The following ASIC5 variants were observed in gnomAD, a reference collection of about 807,000 sequenced individuals.
The protein encoded by ASIC5 is acid sensing ion channel subunit family member 5, also known as bile acid-sensitive ion channel.
Under a neutral mutation model 51.2 loss-of-function variants are expected in ASIC5, and 52 were observed. That is an observed-to-expected ratio of 1.02 (90% CI 0.81 to 1.28). ASIC5 has a LOEUF of 1.28. Ranked by LOEUF, ASIC5 falls within the 50% of genes most tolerant of loss-of-function variation. The probability of loss-of-function intolerance (pLI) is 0.00; values close to 1 mark genes in which losing one functional copy is unlikely to be tolerated. For missense variants in ASIC5, 635 were observed against 595.0 expected, an observed-to-expected ratio of 1.07 and a Z score of -0.70; for synonymous variants, 231 against 200.7, an observed-to-expected ratio of 1.15 and a Z score of -1.28.
chr4:155,829,959 T>A lies in ASIC5; in HGVS notation c.1415A>T (p.Tyr472Phe). 1 of 1,605,048 alleles carries A rather than the reference T, an allele frequency of 6.2e-7. No homozygotes were observed. The highest frequency in any genetic ancestry group is 8.5e-7 in the Non-Finnish European group (1 of 1,175,740). The change falls in exon 10 of 10, where the codon TAC (tyrosine) becomes TTC (phenylalanine). Residue 472 changes from tyrosine to phenylalanine, a missense_variant. Transcript: ENST00000537611. ...CAGCAAAAAGAAAATGCATATCCAG[T>A]AGAAATTGGTGAATAGATATTCAAT... is the stretch of plus-strand genomic sequence containing the variant. ...EIIEYLFTNF[Y>F]WICIFFLLKI...
At chr4:155,840,204 G>T (rs759795949) in intron 6 of ASIC5, among the ~76,000 whole-genome samples, 2 of 151,790 alleles carry the variant, frequency 1.3e-5, no homozygotes, top group African/African-American at 2.4e-5. Flanking sequence ...ACATTATTCT[G>T]CATGAAACAA....
At chr4:155,831,012 C>CT (rs1366657241) in intron 9 of ASIC5, among the ~76,000 whole-genome samples, 3 of 152,180 alleles carry the variant, frequency 2.0e-5, no homozygotes, top group Non-Finnish European at 2.9e-5. Context: ...TTGCCTGAGT[C>CT]TAAGGCCTTC....
rs924060033 is a variant in ASIC5 at position 155,838,738 on chromosome 4, T to C, written c.1066+75A>G. ...TGTTTAATTTCTGGGCTATCCATAG[T>C]TTGACTTAATGTCTTATATTACTTT... On this transcript the variant is annotated intron_variant, in intron 7 of 9. Transcript: ENST00000537611. The C allele has an allele frequency of 9.8e-5, 85 of 869,710 alleles. 1 individual carries two copies. The Middle Eastern group carries it at 1.6e-3, about 17-fold the overall frequency. 53.9% of individuals were successfully genotyped at this position (869,710 alleles called of 1,614,324 possible).
intron 6 of ASIC5, among the ~76,000 whole-genome samples, chr4:155,841,870 T>C (rs996354887): frequency 3.9e-5 from 6 of 152,152 alleles, no homozygotes; most frequent in Admixed American, 3.9e-4. Context: ...TGGATAATTT[T>C]CCAGTGTAGA....
At chr4:155,862,248 T>A (rs1240605526) in intron 2 of ASIC5, among the ~76,000 whole-genome samples, 1 of 152,092 alleles carries the variant, frequency 6.6e-6, no homozygotes, top group Non-Finnish European at 1.5e-5. Context: ...TTAGGACCCT[T>A]GATACATATC....
At chr4:155,852,618 A>T (rs912109964) in intron 3 of ASIC5, among the ~76,000 whole-genome samples, 2 of 151,986 alleles carry the variant, frequency 1.3e-5, no homozygotes, top group Non-Finnish European at 2.9e-5. Context: ...ACATGTTTTT[A>T]TCTGTGGAGC....
At position 155,842,313 on chromosome 4, in the gene ASIC5, G is replaced by T. The variant is rs1741137092; in HGVS notation, c.903C>A (p.Asn301Lys). 6.2e-7 allele frequency: 1 copy of T among 1,613,296 alleles called. No homozygotes were observed. The highest frequency in any genetic ancestry group is 8.5e-7 in the Non-Finnish European group (1 of 1,179,596). ...QEYPWGECNP[N>K]IKLQNFSSYS... ...AGCTGCTAAAATTCTGCAGCTTGAT[G>T]TTAGGATTGCATTCTCCCCAAGGGT... Residue 301 changes from asparagine (N) to lysine (K), a missense_variant, in exon 6 of 10, where the codon AAC becomes AAA. Transcript: ENST00000537611.
intron 7 of ASIC5, among the ~76,000 whole-genome samples, chr4:155,837,708 T>C (rs1004253578): frequency 2.0e-5 from 3 of 152,036 alleles, no homozygotes; most frequent in Admixed American, 6.6e-5. Context: ...TTCTTTAGCA[T>C]TGCTGGCAAA....
At position 155,843,772 on chromosome 4, in the gene ASIC5, A is replaced by C. The variant is rs1560744568; in HGVS notation, c.770T>G (p.Ile257Ser). Residue 257 changes from isoleucine (I) to serine (S), a missense_variant, in exon 5 of 10, where the codon ATC (isoleucine) becomes AGC (serine). Coordinates refer to ENST00000537611, the MANE Select transcript of ASIC5 (RefSeq NM_017419.3). ...GFVDAGIIFV[I>S]HSPKKVPQFD... is the part of the protein sequence containing the mutation. Reference sequence around the variant, plus strand: ...CTGTGGCACCTTCTTTGGTGAATGGATAACAAAGATGATCCCAGCATCAAC... The same window carrying C: ...CTGTGGCACCTTCTTTGGTGAATGGCTAACAAAGATGATCCCAGCATCAAC... 6.2e-7 allele frequency: 1 copy of C among 1,613,622 alleles called. No homozygotes were observed. The highest frequency in any genetic ancestry group is 8.5e-7 in the Non-Finnish European group (1 of 1,179,686).
intron 5 of ASIC5, 112 bp from the exon 6 acceptor site, chr4:155,842,466 CAA>C (rs1741142322): frequency 9.6e-7 from 1 of 1,037,520 alleles, no homozygotes; most frequent in Non-Finnish European, 1.3e-6. Context: ...CTTTGATTTT[CAA>C]AACCAAAATT....
rs1456863259 is a variant in ASIC5, at chr4:155,846,011, A to T, written c.712-2181T>A. Among the ~76,000 whole-genome samples, 3 of 152,078 alleles carry T rather than the reference A, an allele frequency of 2.0e-5. No individual in the cohort carries two copies. The East Asian group carries it at 5.8e-4, about 29-fold the overall frequency. ...TAATATGTCTATGTATTTATATGTC[A>T]TATACACAATATTTCACTACAGAAA... On this transcript the variant is annotated intron_variant, in intron 4 of 9. Coordinates refer to ENST00000537611, the MANE Select transcript of ASIC5 (RefSeq NM_017419.3).
chr4:155,843,627 A>G (rs1488344615), intron 5 of ASIC5, 54 bp downstream of exon 5: 34 of 1,576,464 alleles, frequency 2.2e-5, no homozygotes, highest in Non-Finnish European at 2.2e-5. Context: ...AGCATTACTT[A>G]TGTGTTTGAT....
intron 2 of ASIC5, among the ~76,000 whole-genome samples, chr4:155,858,671 G>T (rs1579298748): frequency 6.6e-6 from 1 of 152,014 alleles, no homozygotes; most frequent in Non-Finnish European, 1.5e-5. Flanking sequence ...AGCGTGGGCA[G>T]TAGGGGAAAA....
intron 3 of ASIC5, 28 bp downstream of exon 3, chr4:155,854,049 T>A: frequency 6.6e-7 from 1 of 1,513,768 alleles, no homozygotes; most frequent in African/African-American, 1.4e-5. Flanking sequence ...ATTACTTTGA[T>A]TATATTTGAA....
At chr4:155,836,337 G>T (rs1740978513) in intron 8 of ASIC5, among the ~76,000 whole-genome samples, 2 of 152,138 alleles carry the variant, frequency 1.3e-5, no homozygotes, top group African/African-American at 4.8e-5. Flanking sequence ...ACCTTGTACA[G>T]TTATTAGAAG....
At chr4:155,863,901 G>T (rs920087679) in intron 1 of ASIC5, 147 bp from the exon 2 acceptor site, 3 of 701,324 alleles carry the variant, frequency 4.3e-6, no homozygotes, top group Non-Finnish European at 4.6e-6. Flanking sequence ...ATCTTTTGTT[G>T]CATGATTTAT....
chr4:155,830,632 A>T (rs931417684), intron 9 of ASIC5, among the ~76,000 whole-genome samples: 5 of 152,196 alleles, frequency 3.3e-5, no homozygotes, highest in African/African-American at 2.4e-5. Flanking sequence ...TTTTAAGTAT[A>T]CAGTACTGTG....
rs113786732 is a variant in ASIC5 at position 155,851,419 on chromosome 4, C to T, written c.711+772G>A. On this transcript the variant is annotated intron_variant, in intron 4 of 9. Transcript: ENST00000537611. The stretch of plus-strand genomic sequence containing the variant: ...TTGGATTGGGAGGTGAATGCAGGAA[C>T]ATCAATTTTACTTTTCATCTTTGTC... Among the ~76,000 whole-genome samples the T allele has an allele frequency of 1.6e-3, 241 of 152,076 alleles. 1 individual carries two copies. Among genetic ancestry groups the T allele is most frequent in the Non-Finnish European group, 2.8e-3 (192 of 67,914 alleles).
At chr4:155,835,675 C>T (rs563447090) in intron 8 of ASIC5, among the ~76,000 whole-genome samples, 7 of 152,230 alleles carry the variant, frequency 4.6e-5, no homozygotes, top group Non-Finnish European at 8.8e-5. Flanking sequence ...GATGTCTGTG[C>T]TGGAGTCGGA....
Sources: gnomAD v4.1 joint callset for allele counts (sites outside exome capture counted in the v4.1 genomes callset) on GRCh38, gnomAD v4.1.1 for gene constraint, MANE v1.5 for transcripts, NCBI Gene and HGNC (gene_info 2026-07-23, HGNC 2026-07-21) for gene names.